Variants in MCF2L2 observed in about 807,000 individuals in gnomAD.
The protein encoded by MCF2L2 is probable guanine nucleotide exchange factor MCF2L2.
In MCF2L2, 102 loss-of-function variants were observed where a neutral mutation model predicts 150.2. The observed-to-expected ratio is 0.68, with a 90% CI of 0.58 to 0.80. The LOEUF (loss-of-function observed/expected upper bound fraction) is 0.80, where lower values mean the gene tolerates loss of function less well. MCF2L2 is among the 30% of genes least tolerant of loss of function. The pLI is 0.00. For missense variants in MCF2L2, 1,256 were observed against 1,372.8 expected (o/e 0.91, Z 1.34); for synonymous variants, 465 against 491.3 (o/e 0.95, Z 0.71).
At chr3:183,358,941 T>C (rs12631496) in intron 3 of MCF2L2, among the ~76,000 whole-genome samples, 13,641 of 151,854 alleles carry the variant, frequency 0.09, 947 homozygotes, top group African/African-American at 0.19. Context: ...TAAGAAAAGA[T>C]AACATTAAAT....
At chr3:183,372,138 A>G (rs1330395824) in intron 3 of MCF2L2, 2 of 151,238 alleles carry the variant, frequency 1.3e-5, no homozygotes, top group African/African-American at 4.9e-5. Flanking sequence ...CCTGAGATTT[A>G]TTTTCCCTTC....
intron 21 of MCF2L2, among the ~76,000 whole-genome samples, chr3:183,217,497 A>AC (rs1432209448): frequency 6.6e-6 from 1 of 151,980 alleles, no homozygotes; most frequent in African/African-American, 2.4e-5. Flanking sequence ...AGAAAAAGAA[A>AC]AAGAATACAA....
intron 10 of MCF2L2, among the ~76,000 whole-genome samples, chr3:183,308,337 AT>A (rs1454707740): frequency 3.9e-5 from 6 of 152,264 alleles, no homozygotes; most frequent in Admixed American, 2.0e-4. Flanking sequence ...AAGCAAAAAA[AT>A]ATAGTATCTA....
chr3:183,232,943 G>A (rs1209705931), intron 15 of MCF2L2, among the ~76,000 whole-genome samples: 2 of 152,134 alleles, frequency 1.3e-5, no homozygotes, highest in East Asian at 1.9e-4. Flanking sequence ...TGTAAAACAC[G>A]TGCTCCTTGG....
intron 2 of MCF2L2, among the ~76,000 whole-genome samples, chr3:183,386,073 A>C (rs1411176289): frequency 6.6e-6 from 1 of 152,186 alleles, no homozygotes; most frequent in African/African-American, 2.4e-5. Context: ...CTCGTTATGC[A>C]ATTTAAAAAA....
At chr3:183,272,936 A>G (rs1726907115) in intron 15 of MCF2L2, 1 of 1,402,898 alleles carries the variant, frequency 7.1e-7, no homozygotes, top group Non-Finnish European at 9.3e-7. Context: ...TGTCCTTTTA[A>G]TTTTTGCTTA....
chr3:183,233,283 T>C (rs571797760), intron 15 of MCF2L2, among the ~76,000 whole-genome samples: 1 of 148,278 alleles, frequency 6.7e-6, no homozygotes, highest in South Asian at 2.2e-4. Flanking sequence ...ACCCAGGAGG[T>C]GGAGATTGCA....
intron 7 of MCF2L2, among the ~76,000 whole-genome samples, chr3:183,317,314 G>C (rs986129827): frequency 3.3e-5 from 5 of 152,106 alleles, no homozygotes; most frequent in Non-Finnish European, 7.3e-5. Flanking sequence ...TCATTTTGCT[G>C]CCCTATTGAA....
chr3:183,345,674 C>T (rs1156284642), intron 3 of MCF2L2, among the ~76,000 whole-genome samples: 6 of 151,808 alleles, frequency 4.0e-5, no homozygotes, highest in South Asian at 4.1e-4. Context: ...GATTGCTAGC[C>T]AGACTAATGA....
rs185820496 is a variant in MCF2L2 at position 183,260,956 on chromosome 3, C to A, written c.1862+15916G>T. On this transcript the variant is annotated intron_variant, in intron 15 of 29. Coordinates refer to ENST00000328913, the MANE Select transcript of MCF2L2 (RefSeq NM_015078.4). ...GAAATAAAGTTCCATATAGCTAAAGCCCCAGCACAAAAACACTTGAAGACA... is the reference window on the plus strand; with the variant it reads ...GAAATAAAGTTCCATATAGCTAAAGACCCAGCACAAAAACACTTGAAGACA... 3.9e-5 allele frequency among the ~76,000 whole-genome samples: 6 copies of A among 152,258 alleles called. No homozygotes were observed. In the East Asian group the frequency reaches 1.2e-3, roughly 29 times the overall value.
chr3:183,341,675 A>G, intron 3 of MCF2L2, 45 bp from the exon 4 acceptor site: 1 of 1,350,522 alleles, frequency 7.4e-7, no homozygotes, highest in South Asian at 1.2e-5. Flanking sequence ...TGAGACCCAT[A>G]TGCTCCATGT....
chr3:183,350,266 T>C (rs1232563960), intron 3 of MCF2L2, among the ~76,000 whole-genome samples: 1 of 151,984 alleles, frequency 6.6e-6, no homozygotes, highest in African/African-American at 2.4e-5. Context: ...CCATAAGGTA[T>C]ACATGCTAGA....
At position 183,267,142 on chromosome 3, in the gene MCF2L2, C is replaced by A. The variant is rs1381709819; in HGVS notation, c.1862+9730G>T. On this transcript the variant is annotated intron_variant, in intron 15 of 29. Transcript: ENST00000328913. The surrounding 1 kb of genome is among the most constrained non-coding windows in gnomAD (Gnocchi z 5.5). ...ACATTTCCCATTACACCCCTGAACACACACACACAGAAAACCCAAAAGTTT... is the reference window on the plus strand; with the variant it reads ...ACATTTCCCATTACACCCCTGAACAAACACACACAGAAAACCCAAAAGTTT... Among the ~76,000 whole-genome samples, 1 of 152,152 alleles carries A rather than the reference C, an allele frequency of 6.6e-6. No individual in the cohort carries two copies. Among genetic ancestry groups the A allele is most frequent in the African/African-American group, 2.4e-5 (1 of 41,430 alleles).
chr3:183,368,819 G>A (rs542946920), intron 3 of MCF2L2, among the ~76,000 whole-genome samples: 8 of 152,208 alleles, frequency 5.3e-5, no homozygotes, highest in South Asian at 2.1e-4. Context: ...AAAGTTGGCC[G>A]ACCTCTGACC....
chr3:183,341,608 A>T lies in MCF2L2; in HGVS notation c.298T>A (p.Phe100Ile). Residue 100 changes from phenylalanine to isoleucine, a missense_variant, in exon 4 of 30, where the codon TTC becomes ATC. Physicochemically the swap from Phe to Ile is conservative, Grantham distance 21. Transcript: ENST00000328913. ...CTTCGTCTGTCGATAACAACAATGAATCCAATGCTGGCAGCCTCCACACTG... is the reference window on the plus strand; with the variant it reads ...CTTCGTCTGTCGATAACAACAATGATTCCAATGCTGGCAGCCTCCACACTG... The part of the protein sequence containing the change: ...IPSVEAASIG[F>I]IVVIDRRRDK... The T allele has an allele frequency of 6.2e-7, 1 of 1,614,100 alleles. No individual in the cohort carries two copies.
At chr3:183,228,862 T>C (rs534941895) in intron 17 of MCF2L2, among the ~76,000 whole-genome samples, 4 of 152,302 alleles carry the variant, frequency 2.6e-5, no homozygotes, top group African/African-American at 9.6e-5. Context: ...AAGCCAGGCA[T>C]AAGCTAAGTG....
intron 10 of MCF2L2, among the ~76,000 whole-genome samples, chr3:183,306,843 G>A (rs1004447554): frequency 2.0e-5 from 3 of 152,200 alleles, no homozygotes; most frequent in Admixed American, 2.0e-4. Flanking sequence ...ACCCTTATGG[G>A]GAGAGGTCAA....
intron 14 of MCF2L2, among the ~76,000 whole-genome samples, chr3:183,281,616 G>A (rs955761748): frequency 3.9e-5 from 6 of 152,040 alleles, no homozygotes; most frequent in East Asian, 3.9e-4. Flanking sequence ...AAGGGCTTTC[G>A]GACTGCCCAT....
chr3:183,322,316 T>C (rs1335727000), intron 6 of MCF2L2, among the ~76,000 whole-genome samples: 1 of 152,192 alleles, frequency 6.6e-6, no homozygotes, highest in African/African-American at 2.4e-5. Flanking sequence ...TCAGGAGGCT[T>C]TCGTTAGTCC....
Sources: allele counts gnomAD v4.1 joint callset (sites outside exome capture counted in the v4.1 genomes callset), GRCh38; gene constraint gnomAD v4.1.1; non-coding constraint Gnocchi (gnomAD v3.1); transcripts MANE v1.5; gene names NCBI Gene and HGNC (gene_info 2026-07-23, HGNC 2026-07-21).